Variants in ADGRL3 observed in about 807,000 individuals in gnomAD.
ADGRL3 encodes adhesion G protein-coupled receptor L3.
In ADGRL3, 62 loss-of-function variants were observed where a neutral mutation model predicts 153.5. That is an observed-to-expected ratio of 0.40 (90% CI 0.33 to 0.50). The LOEUF (loss-of-function observed/expected upper bound fraction) is 0.50, where lower values mean the gene tolerates loss of function less well. ADGRL3 is among the 20% of genes least tolerant of loss of function. ADGRL3 has a pLI of 0.47. For missense variants in ADGRL3, 1,641 were observed against 1,859.4 expected, an observed-to-expected ratio of 0.88 and a Z score of 2.16; for synonymous variants, 710 against 672.5, an observed-to-expected ratio of 1.06 and a Z score of -0.86.
At chr4:61,554,597 CAGAG>C (rs1174289292) in intron 4 of ADGRL3, among the ~76,000 whole-genome samples, 1 of 151,958 alleles carries the variant, frequency 6.6e-6, no homozygotes, top group African/African-American at 2.4e-5. Flanking sequence ...GTGTATGTGA[CAGAG>C]AGAGAGGGAG....
At position 61,753,901 on chromosome 4, in the gene ADGRL3, C is replaced by G. The variant is rs566843057; in HGVS notation, c.1399+20347C>G. ...GAATCTCAGATTAGACTTTTAAAAG[C>G]GCCTGGAGGCTAGGATACCAAGCCA... On this transcript the variant is annotated intron_variant, in intron 8 of 26. Coordinates refer to ENST00000683033, the MANE Select transcript of ADGRL3 (RefSeq NM_001387552.1). Among the ~76,000 whole-genome samples, 12 of 152,236 alleles carry G rather than the reference C, an allele frequency of 7.9e-5. No individual in the cohort carries two copies. In the South Asian group the frequency reaches 2.3e-3, roughly 29 times the overall value.
chr4:61,577,584 GA>G (rs1439889287), intron 4 of ADGRL3, among the ~76,000 whole-genome samples: 1 of 151,956 alleles, frequency 6.6e-6, no homozygotes, highest in Non-Finnish European at 1.5e-5. Context: ...GCAGAGGTGG[GA>G]AAATTGCTTC....
intron 8 of ADGRL3, among the ~76,000 whole-genome samples, chr4:61,789,269 C>G (rs1376244528): frequency 6.6e-6 from 1 of 151,980 alleles, no homozygotes; most frequent in Non-Finnish European, 1.5e-5. Flanking sequence ...AAATCTTTCT[C>G]TCTGTCTCTG....
At chr4:61,429,413 C>T (rs2097327993) in intron 2 of ADGRL3, among the ~76,000 whole-genome samples, 1 of 152,076 alleles carries the variant, frequency 6.6e-6, no homozygotes, top group Admixed American at 6.5e-5. Flanking sequence ...ATTGGAGAGA[C>T]AAGATGCTTT....
At chr4:62,060,080 A>G (rs1739249712) in intron 25 of ADGRL3, among the ~76,000 whole-genome samples, 1 of 151,890 alleles carries the variant, frequency 6.6e-6, no homozygotes, top group Admixed American at 6.6e-5. Flanking sequence ...TTGGCTTTTC[A>G]ATAAACTGAA....
intron 6 of ADGRL3, among the ~76,000 whole-genome samples, chr4:61,727,455 C>T (rs1397563266): frequency 1.3e-5 from 2 of 152,102 alleles, no homozygotes; most frequent in African/African-American, 4.8e-5. Context: ...TGAACAATAA[C>T]AGCTATGCCA....
chr4:61,607,755 T>C (rs534920816), intron 5 of ADGRL3, among the ~76,000 whole-genome samples: 1 of 152,332 alleles, frequency 6.6e-6, no homozygotes, highest in African/African-American at 2.4e-5. Flanking sequence ...ACCTCTGCAA[T>C]AATCCTAATC....
At chr4:61,918,773 A>C (rs949232635) in intron 13 of ADGRL3, among the ~76,000 whole-genome samples, 2 of 152,220 alleles carry the variant, frequency 1.3e-5, no homozygotes, top group Non-Finnish European at 2.9e-5. Context: ...TCCAAAGCCC[A>C]CATGTCTACA....
At chr4:61,461,051 C>A (rs1379615130) in intron 2 of ADGRL3, among the ~76,000 whole-genome samples, 1 of 152,136 alleles carries the variant, frequency 6.6e-6, no homozygotes, top group East Asian at 1.9e-4. Flanking sequence ...GCCTGGGTGA[C>A]AGAGTGAGAC....
chr4:62,032,723 A>G (rs1275223603), intron 23 of ADGRL3, among the ~76,000 whole-genome samples: 1 of 151,632 alleles, frequency 6.6e-6, no homozygotes, highest in Non-Finnish European at 1.5e-5. Flanking sequence ...AAGAAGTTGA[A>G]AAGAGTGTCC....
At chr4:61,330,249 T>C (rs1425664565) in intron 1 of ADGRL3, among the ~76,000 whole-genome samples, 1 of 152,256 alleles carries the variant, frequency 6.6e-6, no homozygotes, top group East Asian at 1.9e-4. Flanking sequence ...TTTCTAGGTG[T>C]GTTTGGGAGG....
intron 21 of ADGRL3, among the ~76,000 whole-genome samples, chr4:62,017,872 G>GT (rs1195627749): frequency 5.9e-5 from 9 of 151,720 alleles, no homozygotes; most frequent in Admixed American, 3.3e-4. Flanking sequence ...GTAGAGCTTT[G>GT]TTTTTTTTGT....
Position 62,031,576 on chromosome 4 carries a change from T to C in ADGRL3, c.3557T>C (p.Phe1186Ser). 6.2e-7 allele frequency: 1 copy of C among 1,609,428 alleles called. No homozygotes were observed. Among genetic ancestry groups the C allele is most frequent in the Non-Finnish European group, 8.5e-7 (1 of 1,176,744 alleles). ...ATTTTCAATTCTCTACAGGGAATGTTTATATTTATTTTCCATTGTGTCCTA... is the reference window on the plus strand; with the variant it reads ...ATTTTCAATTCTCTACAGGGAATGTCTATATTTATTTTCCATTGTGTCCTA... ...FTIFNSLQGM[F>S]IFIFHCVLQK... is the part of the protein sequence containing the mutation. Residue 1186 changes from phenylalanine to serine, a missense_variant, in exon 23 of 27, where the codon TTT becomes TCT. Phe to Ser is a radical substitution (Grantham distance 155). Around this residue, in one of 5 missense-constraint regions of ADGRL3, gnomAD observed 517 missense variants for 555.0 expected, o/e 0.93. Transcript: ENST00000683033.
chr4:61,461,544 CAAAT>C (rs2097819210), intron 2 of ADGRL3, among the ~76,000 whole-genome samples: 1 of 151,870 alleles, frequency 6.6e-6, no homozygotes, highest in South Asian at 2.1e-4. Context: ...TTCATATAAA[CAAAT>C]ATTCTTATAC....
chr4:61,252,712 G>A (rs946899539), intron 1 of ADGRL3, among the ~76,000 whole-genome samples: 4 of 148,190 alleles, frequency 2.7e-5, no homozygotes, highest in East Asian at 2.0e-4. Flanking sequence ...TTTAAGTCCC[G>A]GTAGCTTGAT....
chr4:62,040,237 A>G (rs1157358301), intron 24 of ADGRL3, among the ~76,000 whole-genome samples: 3 of 151,984 alleles, frequency 2.0e-5, no homozygotes, highest in Non-Finnish European at 4.4e-5. Flanking sequence ...GCTACCATTT[A>G]TTACTGTTGT....
At chr4:61,760,058 G>A (rs570631917) in intron 8 of ADGRL3, among the ~76,000 whole-genome samples, 6 of 152,308 alleles carry the variant, frequency 3.9e-5, no homozygotes, top group East Asian at 3.9e-4. Flanking sequence ...GTACCCAGCC[G>A]TGTGAGGTGT....
At chr4:61,534,834 T>A (rs2098645234) in intron 4 of ADGRL3, among the ~76,000 whole-genome samples, 1 of 152,066 alleles carries the variant, frequency 6.6e-6, no homozygotes, top group Non-Finnish European at 1.5e-5. Context: ...AGTCTAGGTG[T>A]CTTTTGGAAG....
intron 1 of ADGRL3, among the ~76,000 whole-genome samples, chr4:61,257,297 A>T (rs945762800): frequency 2.6e-5 from 4 of 152,202 alleles, no homozygotes; most frequent in Non-Finnish European, 5.9e-5. Context: ...TCTTGTTTCA[A>T]TTTTTAACTC....
Sources: gnomAD v4.1 joint callset for allele counts (sites outside exome capture counted in the v4.1 genomes callset) on GRCh38, gnomAD v4.1.1 for gene constraint, gnomAD v4.1.1 regional missense constraint, MANE v1.5 for transcripts, NCBI Gene and HGNC (gene_info 2026-07-23, HGNC 2026-07-21) for gene names.